Variants in ADAMTS19 observed in about 807,000 individuals in gnomAD.
The protein encoded by ADAMTS19 is ADAM metallopeptidase with thrombospondin type 1 motif 19.
ADAMTS19 carries 93 observed loss-of-function variants against 153.3 expected under a neutral mutation model. The observed-to-expected ratio is 0.61, with a 90% CI of 0.51 to 0.72. The LOEUF (loss-of-function observed/expected upper bound fraction) is 0.72, where lower values mean the gene tolerates loss of function less well. ADAMTS19 is among the 30% of genes least tolerant of loss of function. The pLI, the probability that ADAMTS19 is intolerant of heterozygous loss-of-function variation, is 0.00. For synonymous variants in ADAMTS19, 600 were observed against 556.6 expected (o/e 1.08, Z -1.10); for missense variants, 1,482 against 1,552.1 (o/e 0.95, Z 0.76).
intron 4 of ADAMTS19, among the ~76,000 whole-genome samples, chr5:129,527,418 A>G (rs968865060): frequency 2.7e-5 from 4 of 149,348 alleles, no homozygotes; most frequent in African/African-American, 9.8e-5. Context: ...TCCATATTCC[A>G]TTACCTCCTG....
chr5:129,637,162 C>G (rs1752566956), intron 10 of ADAMTS19, among the ~76,000 whole-genome samples: 1 of 152,068 alleles, frequency 6.6e-6, no homozygotes, highest in African/African-American at 2.4e-5. Flanking sequence ...TATAGATTTT[C>G]TTAGATGCCC....
At chr5:129,508,789 A>G (rs2126724670) in intron 2 of ADAMTS19, among the ~76,000 whole-genome samples, 1 of 152,116 alleles carries the variant, frequency 6.6e-6, no homozygotes, top group African/African-American at 2.4e-5. Flanking sequence ...TCCCAAAGTG[A>G]GCCTTTAACA....
intron 13 of ADAMTS19, among the ~76,000 whole-genome samples, chr5:129,653,325 C>T (rs929458048): frequency 6.6e-6 from 1 of 152,154 alleles, no homozygotes; most frequent in Admixed American, 6.5e-5. Flanking sequence ...ATTGCTCTGA[C>T]GTTTCAGATT....
rs372631051 is a variant in ADAMTS19 at position 129,518,585 on chromosome 5, G to A, written c.914-7699G>A. Among the ~76,000 whole-genome samples, 394 of 148,054 alleles carry A rather than the reference G, an allele frequency of 2.7e-3. 2 individuals are homozygous for A. The highest frequency in any genetic ancestry group is 9.9e-3 in the African/African-American group (375 of 37,814). ...ATTGGAGCTCAATTGTATGTTTTTT[G>A]TTTCTTTTCTCTTGCTGGTTTTAGG... On this transcript the variant is annotated intron_variant, in intron 3 of 22. Transcript: ENST00000274487.
intron 21 of ADAMTS19, among the ~76,000 whole-genome samples, chr5:129,724,171 G>A (rs2127205882): frequency 6.6e-6 from 1 of 152,330 alleles, no homozygotes; most frequent in South Asian, 2.1e-4. Context: ...AAGAGAAGGA[G>A]ATTCTTTACA....
intron 18 of ADAMTS19, among the ~76,000 whole-genome samples, chr5:129,684,710 G>A (rs946763284): frequency 5.3e-5 from 8 of 151,982 alleles, no homozygotes; most frequent in Middle Eastern, 3.4e-3. Flanking sequence ...TATTTGGGCC[G>A]GGCGCGGTGG....
chr5:129,596,892 AAGAC>A (rs1750406542), intron 8 of ADAMTS19, among the ~76,000 whole-genome samples: 1 of 152,160 alleles, frequency 6.6e-6, no homozygotes, highest in Admixed American at 6.5e-5. Context: ...AATCCCTATC[AAGAC>A]AGTCATTACA....
intron 8 of ADAMTS19, among the ~76,000 whole-genome samples, chr5:129,599,704 C>T (rs764415067): frequency 6.6e-6 from 1 of 152,172 alleles, no homozygotes; most frequent in Middle Eastern, 3.4e-3. Context: ...AGGGAAAGGC[C>T]ACTTCAGTTT....
chr5:129,543,884 GA>G (rs1209503058), intron 6 of ADAMTS19, among the ~76,000 whole-genome samples: 1 of 152,120 alleles, frequency 6.6e-6, no homozygotes, highest in Non-Finnish European at 1.5e-5. Flanking sequence ...TATAACTAGA[GA>G]ATGGTAAATG....
intron 11 of ADAMTS19, among the ~76,000 whole-genome samples, chr5:129,645,136 C>T (rs912015229): frequency 2.0e-5 from 3 of 152,198 alleles, no homozygotes; most frequent in Non-Finnish European, 4.4e-5. Context: ...GGGTCATGCA[C>T]TGTCCCCAGG....
intron 11 of ADAMTS19, among the ~76,000 whole-genome samples, chr5:129,647,214 GAAAAAA>G: frequency 2.0e-5 from 2 of 102,296 alleles, no homozygotes; most frequent in African/African-American, 6.9e-5. Context: ...AATTCTTTCA[GAAAAAA>G]AAAAAAAAAA....
intron 7 of ADAMTS19, among the ~76,000 whole-genome samples, chr5:129,555,479 G>A (rs949480803): frequency 6.6e-6 from 1 of 152,142 alleles, no homozygotes; most frequent in Non-Finnish European, 1.5e-5. Context: ...AGATTTTGAA[G>A]TCAGATGTCT....
At chr5:129,542,192 G>A (rs1048847286) in intron 6 of ADAMTS19, among the ~76,000 whole-genome samples, 8 of 152,060 alleles carry the variant, frequency 5.3e-5, no homozygotes, top group Non-Finnish European at 2.9e-5. Flanking sequence ...TAGCAAAGAG[G>A]AAAGCTCTAG....
chr5:129,675,356 G>A (rs763428810), intron 16 of ADAMTS19, among the ~76,000 whole-genome samples: 13 of 152,038 alleles, frequency 8.6e-5, no homozygotes, highest in Non-Finnish European at 1.2e-4. Flanking sequence ...GCCCCCACCC[G>A]TATTTCTGGA....
chr5:129,632,094 T>G (rs1752322950), intron 10 of ADAMTS19, among the ~76,000 whole-genome samples: 2 of 152,190 alleles, frequency 1.3e-5, no homozygotes, highest in South Asian at 4.1e-4. Context: ...CAGCAGAGCC[T>G]CTGTTGCAAC....
chr5:129,733,749 G>A (rs1388675395), intron 21 of ADAMTS19, among the ~76,000 whole-genome samples: 1 of 151,820 alleles, frequency 6.6e-6, no homozygotes, highest in African/African-American at 2.4e-5. Context: ...CAGTATGGAG[G>A]GTTCTCAAAC....
Position 129,461,187 on chromosome 5 carries a change from C to A in ADAMTS19, c.177C>A (p.Gly59=). The part of the protein sequence containing the change: ...WRREPVDPAG[G]SGGSADPGWV... Reference sequence around the variant, plus strand: ...GGGAGCCGGTGGACCCGGCTGGCGGCAGCGGGGGCAGCGCGGACCCGGGCT... The same window carrying A: ...GGGAGCCGGTGGACCCGGCTGGCGGAAGCGGGGGCAGCGCGGACCCGGGCT... The change falls in exon 2 of 23, where the codon GGC becomes GGA. Residue 59 remains glycine (G), a synonymous_variant. Coordinates refer to ENST00000274487, the MANE Select transcript of ADAMTS19 (RefSeq NM_133638.6). This position sits in a 1 kb window ranked among gnomAD's most constrained non-coding sequence, Gnocchi z 4.6. 1.5e-6 allele frequency: 2 copies of A among 1,354,502 alleles called. No homozygotes were observed. Among genetic ancestry groups the A allele is most frequent in the South Asian group, 3.8e-5 (2 of 53,066 alleles). 83.9% of individuals were successfully genotyped at this position (1,354,502 alleles called of 1,614,324 possible).
chr5:129,728,132 C>T (rs571007682), intron 21 of ADAMTS19, among the ~76,000 whole-genome samples: 1 of 152,296 alleles, frequency 6.6e-6, no homozygotes, highest in Admixed American at 6.5e-5. Context: ...GACACTCCCA[C>T]CAGCACCATG....
chr5:129,545,468 G>T (rs112353568), intron 6 of ADAMTS19, among the ~76,000 whole-genome samples: 9,255 of 152,196 alleles, frequency 0.061, 413 homozygotes, highest in Non-Finnish European at 0.087. Context: ...TCTAGGAGAA[G>T]AGAATGGAAT....
Sources: allele counts gnomAD v4.1 joint callset (sites outside exome capture counted in the v4.1 genomes callset), GRCh38; gene constraint gnomAD v4.1.1; non-coding constraint Gnocchi (gnomAD v3.1); transcripts MANE v1.5; gene names NCBI Gene and HGNC (gene_info 2026-07-23, HGNC 2026-07-21).